SYN2: variants seen among roughly 807,000 people sequenced by gnomAD.
SYN2 encodes the protein synapsin-2.
In SYN2, 19 loss-of-function variants were observed where a neutral mutation model predicts 50.9. That is an observed-to-expected ratio of 0.37 (90% CI 0.26 to 0.55). The LOEUF (loss-of-function observed/expected upper bound fraction) is 0.55. Ranked by LOEUF, SYN2 falls within the 20% of genes least tolerant of loss-of-function variation. SYN2 has a pLI of 0.81. For missense variants in SYN2, 587 were observed against 576.4 expected, an observed-to-expected ratio of 1.02 and a Z score of -0.19; for synonymous variants, 255 against 224.9, an observed-to-expected ratio of 1.13 and a Z score of -1.20.
chr3:12,049,987 C>T (rs1414650205), intron 1 of SYN2, among the ~76,000 whole-genome samples: 1 of 152,162 alleles, frequency 6.6e-6, no homozygotes, highest in African/African-American at 2.4e-5. Context: ...GCAACCTCCA[C>T]CTCCAGGATT....
chr3:12,132,555 G>T (rs1696817719), intron 1 of SYN2, among the ~76,000 whole-genome samples: 1 of 152,126 alleles, frequency 6.6e-6, no homozygotes, highest in African/African-American at 2.4e-5. Context: ...ACACCCATGT[G>T]TTGCCTTTGT....
intron 1 of SYN2, among the ~76,000 whole-genome samples, chr3:12,026,041 T>C (rs1014411654): frequency 4.6e-5 from 7 of 152,228 alleles, no homozygotes; most frequent in African/African-American, 2.4e-5. Flanking sequence ...ATTAAATTGT[T>C]GTATGACCTT....
At chr3:12,048,983 G>A (rs144585332) in intron 1 of SYN2, among the ~76,000 whole-genome samples, 260 of 152,284 alleles carry the variant, frequency 1.7e-3, no homozygotes, top group Non-Finnish European at 2.8e-3. Flanking sequence ...TCAGTTCTGT[G>A]TAAGATGAGA....
At chr3:12,092,318 C>A (rs1050943902) in intron 1 of SYN2, among the ~76,000 whole-genome samples, 2 of 152,228 alleles carry the variant, frequency 1.3e-5, no homozygotes, top group Middle Eastern at 3.4e-3. Context: ...ATAGAAAAAT[C>A]TATATGTTGC....
chr3:12,042,761 A>G (rs1418720468), intron 1 of SYN2, among the ~76,000 whole-genome samples: 1 of 152,158 alleles, frequency 6.6e-6, no homozygotes, highest in Non-Finnish European at 1.5e-5. Context: ...GTGTCCTTAT[A>G]AGAAGAAGAG....
chr3:12,179,026 A>G (rs1472401798), intron 10 of SYN2, among the ~76,000 whole-genome samples: 1 of 152,178 alleles, frequency 6.6e-6, no homozygotes, highest in Non-Finnish European at 1.5e-5. Context: ...TTGTGACTCT[A>G]TATCTCTACG....
intron 1 of SYN2, among the ~76,000 whole-genome samples, chr3:12,008,781 C>T (rs966006216): frequency 2.0e-5 from 3 of 152,106 alleles, no homozygotes; most frequent in East Asian, 1.9e-4. Context: ...GAAGGTTTCT[C>T]GGAACAAGTG....
intron 10 of SYN2, among the ~76,000 whole-genome samples, chr3:12,174,439 C>T (rs1322467925): frequency 6.6e-6 from 1 of 152,066 alleles, no homozygotes; most frequent in Non-Finnish European, 1.5e-5. Context: ...CTGGTAAGGG[C>T]CTTTGTATTA....
intron 5 of SYN2, chr3:12,157,487 A>T (rs1317712701): frequency 3.1e-6 from 5 of 1,614,062 alleles, no homozygotes; most frequent in Admixed American, 3.3e-5. Context: ...GAATCACTGC[A>T]TAGGAAGAGA....
At chr3:12,153,296 G>A (rs1461446311) in intron 5 of SYN2, 4 of 595,606 alleles carry the variant, frequency 6.7e-6, no homozygotes, top group Non-Finnish European at 1.2e-5. Context: ...CAGCTACAAG[G>A]CTAGACTAAT....
intron 1 of SYN2, among the ~76,000 whole-genome samples, chr3:12,055,270 C>T (rs533031820): frequency 1.3e-4 from 20 of 151,768 alleles, no homozygotes; most frequent in Non-Finnish European, 2.2e-4. Flanking sequence ...TTGAAAACAC[C>T]ACTAAATAAT....
chr3:12,121,342 C>T (rs954661906), intron 1 of SYN2, among the ~76,000 whole-genome samples: 2 of 152,164 alleles, frequency 1.3e-5, no homozygotes, highest in African/African-American at 4.8e-5. Context: ...CAGCATCTCA[C>T]TTATGGTGGA....
chr3:12,103,082 A>G (rs1480807414), intron 1 of SYN2, among the ~76,000 whole-genome samples: 1 of 152,150 alleles, frequency 6.6e-6, no homozygotes, highest in Non-Finnish European at 1.5e-5. Flanking sequence ...AGGTACTATA[A>G]TTGTCCTCAT....
At chr3:12,098,400 TTATATGA>T (rs1304679105) in intron 1 of SYN2, among the ~76,000 whole-genome samples, 1 of 152,162 alleles carries the variant, frequency 6.6e-6, no homozygotes, top group African/African-American at 2.4e-5. Context: ...ATAAAAATAC[TTATATGA>T]TAATAGCACA....
chr3:12,143,207 C>T (rs923261730), intron 3 of SYN2, among the ~76,000 whole-genome samples: 1 of 152,162 alleles, frequency 6.6e-6, no homozygotes, highest in African/African-American at 2.4e-5. Flanking sequence ...AGTTGTATTT[C>T]AGGCATACAG....
intron 5 of SYN2, among the ~76,000 whole-genome samples, chr3:12,157,127 C>T (rs922167006): frequency 3.3e-5 from 5 of 152,162 alleles, no homozygotes; most frequent in Non-Finnish European, 7.3e-5. Context: ...ACACCTAAAC[C>T]TTGGTTTATT....
intron 1 of SYN2, among the ~76,000 whole-genome samples, chr3:12,074,985 C>T (rs1421428693): frequency 1.3e-5 from 2 of 152,098 alleles, no homozygotes; most frequent in Non-Finnish European, 2.9e-5. Context: ...ATCAAAGGAA[C>T]TTGAAAATGC....
chr3:12,113,112 G>A (rs1253421412), intron 1 of SYN2, among the ~76,000 whole-genome samples: 3 of 152,150 alleles, frequency 2.0e-5, no homozygotes, highest in Non-Finnish European at 2.9e-5. Flanking sequence ...TCATCCTAAA[G>A]AAGCATTTCA....
At chr3:12,094,638 G>T (rs1285292697) in intron 1 of SYN2, among the ~76,000 whole-genome samples, 1 of 152,154 alleles carries the variant, frequency 6.6e-6, no homozygotes, top group Non-Finnish European at 1.5e-5. Flanking sequence ...TACTCTGTTG[G>T]GTTCTTGTGA....
Sources: gnomAD v4.1 joint callset for allele counts (sites outside exome capture counted in the v4.1 genomes callset) on GRCh38, gnomAD v4.1.1 for gene constraint, MANE v1.5 for transcripts, NCBI Gene and HGNC (gene_info 2026-07-23, HGNC 2026-07-21) for gene names.